Variants in RIMS2 observed in about 807,000 individuals in gnomAD.
The protein encoded by RIMS2 is regulating synaptic membrane exocytosis protein 2.
RIMS2 carries 59 observed loss-of-function variants against 174.4 expected under a neutral mutation model. The ratio of observed to expected loss-of-function variants is 0.34; its 90% CI spans 0.27 to 0.42. The LOEUF is 0.42. Ranked by LOEUF, RIMS2 falls within the 10% of genes least tolerant of loss-of-function variation. The probability of loss-of-function intolerance (pLI) is 1.00; values close to 1 mark genes in which losing one functional copy is unlikely to be tolerated. For missense variants in RIMS2, 1,620 were observed against 1,666.3 expected (o/e 0.97, Z 0.48); for synonymous variants, 606 against 572.5 (o/e 1.06, Z -0.84).
chr8:103,702,981 G>GTT (rs1386885574), intron 2 of RIMS2, among the ~76,000 whole-genome samples: 3 of 124,466 alleles, frequency 2.4e-5, no homozygotes, highest in African/African-American at 9.4e-5. Flanking sequence ...GTTTTTGTGA[G>GTT]TTTGTTTTTT....
At chr8:103,870,734 A>G (rs1279132703) in intron 3 of RIMS2, among the ~76,000 whole-genome samples, 1 of 151,796 alleles carries the variant, frequency 6.6e-6, no homozygotes, top group African/African-American at 2.4e-5. Flanking sequence ...CCTCCTAAAT[A>G]TATGTTGTTT....
At chr8:103,650,454 G>C (rs942778306) in intron 1 of RIMS2, among the ~76,000 whole-genome samples, 2 of 152,194 alleles carry the variant, frequency 1.3e-5, no homozygotes, top group Non-Finnish European at 2.9e-5. Flanking sequence ...TGGTAGAGCA[G>C]GTGTGCTGCA....
rs961785878 is a variant in RIMS2, at chr8:103,939,012, G to A, written c.2547+2290G>A. ...CTCCTGGCTGCTTTCATGGGCTGGCGCTGAGTGTCTGTTGGTTTCCCAGGT... is the reference window on the plus strand; with the variant it reads ...CTCCTGGCTGCTTTCATGGGCTGGCACTGAGTGTCTGTTGGTTTCCCAGGT... On this transcript the variant is annotated intron_variant, in intron 13 of 23. Coordinates refer to ENST00000504942, the Ensembl canonical transcript of RIMS2. Among the ~76,000 whole-genome samples the A allele has an allele frequency of 5.3e-5, 8 of 152,158 alleles. No homozygotes were observed. The South Asian group carries it at 6.2e-4, about 12-fold the overall frequency.
intron 12 of RIMS2, among the ~76,000 whole-genome samples, chr8:103,935,626 T>A (rs186665676): frequency 1.3e-5 from 2 of 152,282 alleles, no homozygotes; most frequent in Non-Finnish European, 2.9e-5. Context: ...TTTAAATAGT[T>A]CTCTTAGGTA....
At chr8:103,878,783 G>A (rs1344379101) in intron 3 of RIMS2, among the ~76,000 whole-genome samples, 6 of 151,100 alleles carry the variant, frequency 4.0e-5, no homozygotes, top group African/African-American at 1.5e-4. Context: ...CATCAATTGT[G>A]CACGATTTTC....
intron 19 of RIMS2, among the ~76,000 whole-genome samples, chr8:104,051,980 T>G (rs1363397089): frequency 6.6e-6 from 1 of 152,198 alleles, no homozygotes; most frequent in African/African-American, 2.4e-5. Flanking sequence ...TCTCTACAGC[T>G]TTGTTATATT....
At chr8:103,816,262 A>G (rs2098717948) in intron 3 of RIMS2, among the ~76,000 whole-genome samples, 1 of 152,216 alleles carries the variant, frequency 6.6e-6, no homozygotes, top group African/African-American at 2.4e-5. Context: ...AAATAAATAA[A>G]TAAAATAAAC....
At chr8:104,216,572 G>A (rs2099130705) in intron 19 of RIMS2, among the ~76,000 whole-genome samples, 1 of 152,204 alleles carries the variant, frequency 6.6e-6, no homozygotes, top group African/African-American at 2.4e-5. Flanking sequence ...AATAAGCTAT[G>A]TGACCTTGAG....
At chr8:103,945,458 T>C (rs1320320803) in intron 14 of RIMS2, among the ~76,000 whole-genome samples, 1 of 152,058 alleles carries the variant, frequency 6.6e-6, no homozygotes, top group Non-Finnish European at 1.5e-5. Context: ...ATTTTCCTCA[T>C]ACCAAAGTCA....
At chr8:103,786,103 G>A (rs1428537128) in intron 3 of RIMS2, among the ~76,000 whole-genome samples, 1 of 152,014 alleles carries the variant, frequency 6.6e-6, no homozygotes, top group Non-Finnish European at 1.5e-5. Context: ...ATTTCTGTGG[G>A]ATTGGTGGTG....
intron 1 of RIMS2, 101 bp downstream of exon 2, chr8:103,652,338 T>G: frequency 6.5e-6 from 4 of 619,570 alleles, no homozygotes; most frequent in Non-Finnish European, 8.1e-6. Context: ...AGGCTGCAGC[T>G]AGTGTGTCTT....
At chr8:103,568,829 T>C (rs919499597) in intron 1 of RIMS2, 4 of 1,143,884 alleles carry the variant, frequency 3.5e-6, no homozygotes, top group South Asian at 1.2e-5. Flanking sequence ...GAGCATATTC[T>C]TCTGTAGGGT....
At chr8:104,173,749 C>T (rs2098846910) in intron 19 of RIMS2, among the ~76,000 whole-genome samples, 1 of 148,568 alleles carries the variant, frequency 6.7e-6, no homozygotes, top group South Asian at 2.1e-4. Context: ...CTGCTTCAGC[C>T]TCCCGAGTAG....
chr8:103,634,133 T>G, intron 1 of RIMS2, among the ~76,000 whole-genome samples: 1 of 152,206 alleles, frequency 6.6e-6, no homozygotes, highest in East Asian at 1.9e-4. Flanking sequence ...TTGAGATCTT[T>G]CTTACTTTTG....
intron 19 of RIMS2, among the ~76,000 whole-genome samples, chr8:104,036,622 T>A (rs2096524064): frequency 6.6e-6 from 1 of 151,916 alleles, no homozygotes; most frequent in Non-Finnish European, 1.5e-5. Context: ...CTCATACCTG[T>A]AATCCCAGCA....
chr8:103,682,574 G>C (rs1308287457), intron 1 of RIMS2, among the ~76,000 whole-genome samples: 5 of 152,112 alleles, frequency 3.3e-5, no homozygotes, highest in Admixed American at 6.6e-5. Flanking sequence ...AGGAAGCAGA[G>C]AATTTTGTTT....
chr8:104,043,956 T>C (rs778687892), intron 19 of RIMS2, among the ~76,000 whole-genome samples: 14 of 151,718 alleles, frequency 9.2e-5, no homozygotes, highest in Admixed American at 3.3e-4. Flanking sequence ...AGACTTCACA[T>C]AGATTAGAAA....
intron 11 of RIMS2, among the ~76,000 whole-genome samples, chr8:103,928,461 C>T (rs557252808): frequency 6.6e-6 from 1 of 151,494 alleles, no homozygotes; most frequent in Admixed American, 6.6e-5. Context: ...ATTTTGTTAA[C>T]ATTTTGCCAT....
At chr8:103,513,327 C>A (rs1357355704) in intron 1 of RIMS2, among the ~76,000 whole-genome samples, 3 of 152,134 alleles carry the variant, frequency 2.0e-5, no homozygotes, top group Non-Finnish European at 2.9e-5. Flanking sequence ...GCTGTGCTAT[C>A]TTGAAGAAGT....
Sources: gnomAD v4.1 joint callset for allele counts (sites outside exome capture counted in the v4.1 genomes callset) on GRCh38, gnomAD v4.1.1 for gene constraint, MANE v1.5 for transcripts, NCBI Gene and HGNC (gene_info 2026-07-23, HGNC 2026-07-21) for gene names.